The following NOL4L variants were observed in gnomAD, a reference collection of about 807,000 sequenced individuals.
NOL4L encodes the protein nucleolar protein 4-like.
A neutral mutation model predicts 64.5 loss-of-function variants in NOL4L; 7 were observed. The observed-to-expected ratio is 0.11, with a 90% CI of 0.06 to 0.20. The LOEUF (loss-of-function observed/expected upper bound fraction) is 0.20, where lower values mean the gene tolerates loss of function less well. Ranked by LOEUF, NOL4L falls within the 10% of genes least tolerant of loss-of-function variation. The pLI is 1.00. For synonymous variants in NOL4L, 413 were observed against 401.0 expected (o/e 1.03, Z -0.36); for missense variants, 680 against 967.1 (o/e 0.70, Z 3.94).
intron 3 of NOL4L, among the ~76,000 whole-genome samples, chr20:32,519,047 G>A (rs935690747): frequency 6.6e-6 from 1 of 152,240 alleles, no homozygotes; most frequent in Admixed American, 6.5e-5. Context: ...TTTCACAGAT[G>A]AGGGAACTGA....
chr20:32,448,358 G>A (rs2012518486), intron 10 of NOL4L, among the ~76,000 whole-genome samples: 1 of 152,128 alleles, frequency 6.6e-6, no homozygotes, highest in African/African-American at 2.4e-5. Context: ...GCCACAAAAG[G>A]CCAGGAGAAG....
chr20:32,454,012 G>A (rs1369798598), intron 6 of NOL4L: 1 of 514,056 alleles, frequency 1.9e-6, no homozygotes. Flanking sequence ...TGTATGCAGA[G>A]ACCTGGTTCC....
chr20:32,570,228 G>A (rs1387895579), intron 1 of NOL4L, among the ~76,000 whole-genome samples: 6 of 152,108 alleles, frequency 3.9e-5, no homozygotes, highest in Non-Finnish European at 8.8e-5. Context: ...TCCTGAATCA[G>A]GATCTTATCA....
At chr20:32,518,391 G>A (rs879772493) in intron 3 of NOL4L, among the ~76,000 whole-genome samples, 2 of 152,230 alleles carry the variant, frequency 1.3e-5, no homozygotes, top group Non-Finnish European at 2.9e-5. Flanking sequence ...AGCCAGCGAG[G>A]AGAGGAAGCA....
At chr20:32,490,144 AAT>A (rs1555797123) in intron 4 of NOL4L, among the ~76,000 whole-genome samples, 7 of 122,208 alleles carry the variant, frequency 5.7e-5, no homozygotes, top group Admixed American at 1.8e-4. Context: ...AAAAAAAAAA[AAT>A]ATATATACAC....
chr20:32,508,892 C>A (rs1041762458), intron 4 of NOL4L, among the ~76,000 whole-genome samples: 1 of 152,216 alleles, frequency 6.6e-6, no homozygotes, highest in South Asian at 2.1e-4. Context: ...GCTTCGGCAA[C>A]AGAACTCCTC....
chr20:32,483,601 G>T, intron 4 of NOL4L: 6 of 764,616 alleles, frequency 7.8e-6, no homozygotes, highest in Non-Finnish European at 9.3e-6. Flanking sequence ...GAGGAAGGGG[G>T]AGGGGGCACC....
At chr20:32,568,720 GAGA>G (rs1351175846) in intron 1 of NOL4L, among the ~76,000 whole-genome samples, 2 of 152,192 alleles carry the variant, frequency 1.3e-5, no homozygotes, top group African/African-American at 4.8e-5. Flanking sequence ...AACATGGCCA[GAGA>G]AAGTGGAAAT....
At position 32,464,588 on chromosome 20, in the gene NOL4L, G is replaced by A. The variant is rs1003758280; in HGVS notation, c.842-8193C>T. ...TACCCCCACAGCATGCGCCTCCTCT[G>A]CGTGTGCCCCTCAGTGCCCGGGCAG... is the stretch of plus-strand genomic sequence containing the variant. On this transcript the variant is annotated intron_variant, in intron 5 of 10. Transcript: ENST00000621426. This position sits in a 1 kb window ranked among gnomAD's most constrained non-coding sequence, Gnocchi z 5.6. Among the ~76,000 whole-genome samples the A allele has an allele frequency of 5.3e-5, 8 of 152,186 alleles. No individual in the cohort carries two copies. The highest frequency in any genetic ancestry group is 1.9e-4 in the African/African-American group (8 of 41,456).
chr20:32,526,319 C>T (rs965643004), intron 2 of NOL4L, among the ~76,000 whole-genome samples: 2 of 152,234 alleles, frequency 1.3e-5, no homozygotes, highest in African/African-American at 4.8e-5. Flanking sequence ...ACTCCCTTCC[C>T]ACAAGTCACT....
chr20:32,484,014 G>T (rs1045468804), intron 4 of NOL4L, among the ~76,000 whole-genome samples: 3 of 151,786 alleles, frequency 2.0e-5, no homozygotes, highest in African/African-American at 7.3e-5. Context: ...ATCGCTCCCG[G>T]AGGCTGCGGT....
At chr20:32,569,413 T>C (rs1272690007) in intron 1 of NOL4L, among the ~76,000 whole-genome samples, 1 of 152,094 alleles carries the variant, frequency 6.6e-6, no homozygotes, top group Non-Finnish European at 1.5e-5. Context: ...ACACAGCACT[T>C]TGGCCACAGT....
At chr20:32,545,567 C>T (rs2018720827) in intron 1 of NOL4L, among the ~76,000 whole-genome samples, 1 of 152,150 alleles carries the variant, frequency 6.6e-6, no homozygotes, top group Non-Finnish European at 1.5e-5. Context: ...CCCCGACCCG[C>T]CCACAGCCCT....
chr20:32,507,367 T>C (rs1019538262), intron 4 of NOL4L, among the ~76,000 whole-genome samples: 6 of 152,226 alleles, frequency 3.9e-5, no homozygotes, highest in Admixed American at 3.3e-4. Context: ...CGGTGCCTTG[T>C]ACATTGAGGA....
rs62208013 is a variant in NOL4L, at chr20:32,553,359, C to T, written c.322-25446G>A. Among the ~76,000 whole-genome samples the T allele has an allele frequency of 2.5e-3, 375 of 152,302 alleles. 1 individual carries two copies. Among genetic ancestry groups the T allele is most frequent in the Middle Eastern group, 0.02 (6 of 294 alleles). Reference sequence around the variant, plus strand: ...CAGGGCTCCAGCCCACTCCACTGGCCTTCTCCTGGCGCTACTCACCAGGCA... The same window carrying T: ...CAGGGCTCCAGCCCACTCCACTGGCTTTCTCCTGGCGCTACTCACCAGGCA... On this transcript the variant is annotated intron_variant, in intron 1 of 10. Transcript: ENST00000621426.
chr20:32,475,672 C>T (rs991595966), intron 4 of NOL4L, among the ~76,000 whole-genome samples: 2 of 152,260 alleles, frequency 1.3e-5, no homozygotes, highest in Non-Finnish European at 1.5e-5. Flanking sequence ...GACCCAGCAG[C>T]TCCCACACCC....
rs897316365 is a variant in NOL4L at position 32,571,251 on chromosome 20, G to A, written c.321+13319C>T. Among the ~76,000 whole-genome samples, 10 of 152,148 alleles carry A rather than the reference G, an allele frequency of 6.6e-5. No homozygotes were observed. In the East Asian group the frequency reaches 1.2e-3, roughly 18 times the overall value. Reference sequence around the variant, plus strand: ...CGCCCAGGCTGGAGTGCAGTGGCGCGATCTTGGCTCATTGCAACCTCCGCC... The same window carrying A: ...CGCCCAGGCTGGAGTGCAGTGGCGCAATCTTGGCTCATTGCAACCTCCGCC... On this transcript the variant is annotated intron_variant, in intron 1 of 10. Transcript: ENST00000621426.
In NOL4L at chr20:32,584,797, A is replaced by G. The variant is rs1486598705; in HGVS notation, c.94T>C (p.Leu32=). The part of the protein sequence containing the change: ...ELGRQFRDWC[L]RTYGDSAKTK... The stretch of plus-strand genomic sequence containing the variant: ...TTGGCCGAGTCGCCGTAGGTGCGCA[A>G]GCACCAGTCCCGGAACTGGCGGCCC... Residue 32 remains leucine (L), a synonymous_variant, in exon 1 of 11, where the codon TTG becomes CTG. Transcript: ENST00000621426. 18 of 1,536,370 alleles carry G rather than the reference A, an allele frequency of 1.2e-5. No homozygotes were observed. The African/African-American group carries it at 2.5e-4, about 21-fold the overall frequency.
At chr20:32,560,745 G>C (rs1482909294) in intron 1 of NOL4L, among the ~76,000 whole-genome samples, 1 of 152,242 alleles carries the variant, frequency 6.6e-6, no homozygotes, top group Non-Finnish European at 1.5e-5. Context: ...TCCAGAACCT[G>C]TGCGCCAAAC....
Sources: gnomAD v4.1 joint callset for allele counts (sites outside exome capture counted in the v4.1 genomes callset) on GRCh38, gnomAD v4.1.1 for gene constraint, Gnocchi (gnomAD v3.1) non-coding constraint, MANE v1.5 for transcripts, NCBI Gene and HGNC (gene_info 2026-07-23, HGNC 2026-07-21) for gene names.